The following ZNF704 variants were observed in gnomAD, a reference collection of about 807,000 sequenced individuals.
The protein encoded by ZNF704 is glucocorticoid induced gene 1.
In ZNF704, 10 loss-of-function variants were observed where a neutral mutation model predicts 44.7. The observed-to-expected ratio is 0.22, with a 90% CI of 0.14 to 0.38. The LOEUF (loss-of-function observed/expected upper bound fraction) is 0.38. ZNF704 is among the 10% of genes least tolerant of loss of function. The pLI, the probability that ZNF704 is intolerant of heterozygous loss-of-function variation, is 1.00. For missense variants in ZNF704, 390 were observed against 545.5 expected (o/e 0.71, Z 2.84); for synonymous variants, 211 against 207.6 (o/e 1.02, Z -0.14).
chr8:80,744,656 C>G (rs1423851224), intron 2 of ZNF704, among the ~76,000 whole-genome samples: 1 of 152,164 alleles, frequency 6.6e-6, no homozygotes, highest in Non-Finnish European at 1.5e-5. Flanking sequence ...TCAACTGGCA[C>G]AAATACGCTT....
chr8:80,742,635 T>C (rs1040670685), intron 2 of ZNF704, among the ~76,000 whole-genome samples: 3 of 152,152 alleles, frequency 2.0e-5, no homozygotes, highest in East Asian at 1.9e-4. Context: ...GGTGTAAAAC[T>C]ACAAATCGTT....
At chr8:80,866,726 G>C (rs1478526392) in intron 1 of ZNF704, among the ~76,000 whole-genome samples, 1 of 152,068 alleles carries the variant, frequency 6.6e-6, no homozygotes, top group Non-Finnish European at 1.5e-5. Context: ...GGGGTTGGGG[G>C]GGGGATACAT....
At chr8:80,724,401 C>T (rs1310849848) in intron 2 of ZNF704, among the ~76,000 whole-genome samples, 1 of 152,210 alleles carries the variant, frequency 6.6e-6, no homozygotes, top group Non-Finnish European at 1.5e-5. Flanking sequence ...TGGGTTTAAG[C>T]TCATCCAACC....
At chr8:80,814,885 T>A (rs1808150636) in intron 2 of ZNF704, among the ~76,000 whole-genome samples, 2 of 152,180 alleles carry the variant, frequency 1.3e-5, no homozygotes. Context: ...ACCATTTTTG[T>A]CTTATCTCAC....
chr8:80,718,998 T>G (rs1176307213), intron 2 of ZNF704, among the ~76,000 whole-genome samples: 1 of 152,058 alleles, frequency 6.6e-6, no homozygotes, highest in East Asian at 1.9e-4. Context: ...AGGGTCTCAC[T>G]CTGTTGTCCA....
chr8:80,794,528 G>C (rs962321533), intron 2 of ZNF704, among the ~76,000 whole-genome samples: 1 of 152,002 alleles, frequency 6.6e-6, no homozygotes, highest in East Asian at 1.9e-4. Context: ...AGCTCTTTTG[G>C]GCAGCAAGAT....
At chr8:80,646,208 G>GA (rs1259041767) in intron 7 of ZNF704, among the ~76,000 whole-genome samples, 1 of 152,174 alleles carries the variant, frequency 6.6e-6, no homozygotes, top group Non-Finnish European at 1.5e-5. Flanking sequence ...GGCCAGGAGT[G>GA]GTAGCTTATG....
chr8:80,815,544 A>G (rs1808163569), intron 2 of ZNF704, among the ~76,000 whole-genome samples: 3 of 152,216 alleles, frequency 2.0e-5, no homozygotes. Context: ...AGGCTGGACA[A>G]TAAGTAATAA....
the ZNF704 span, among the ~76,000 whole-genome samples, chr8:80,881,653 C>T: frequency 3.3e-5 from 5 of 152,238 alleles, no homozygotes; most frequent in Admixed American, 6.5e-5. Flanking sequence ...ATAGGCAGGG[C>T]GCAGTGGCTC....
intron 5 of ZNF704, among the ~76,000 whole-genome samples, chr8:80,669,565 C>A (rs530320717): frequency 5.8e-4 from 88 of 152,336 alleles, no homozygotes; most frequent in African/African-American, 2.1e-3. Flanking sequence ...GCTATTTTCA[C>A]CTTCTGCCTA....
chr8:80,864,109 A>C (rs1192806099), intron 1 of ZNF704, among the ~76,000 whole-genome samples: 1 of 152,186 alleles, frequency 6.6e-6, no homozygotes, highest in Non-Finnish European at 1.5e-5. Context: ...TTACCACAGG[A>C]AATACTTCCT....
At chr8:80,661,210 T>C (rs933152747) in intron 6 of ZNF704, among the ~76,000 whole-genome samples, 13 of 152,104 alleles carry the variant, frequency 8.5e-5, no homozygotes, top group Admixed American at 7.9e-4. Flanking sequence ...ACGTCACTAA[T>C]ATCAGAAAAA....
At chr8:80,830,710 A>T (rs560060361) in intron 1 of ZNF704, among the ~76,000 whole-genome samples, 1 of 150,152 alleles carries the variant, frequency 6.7e-6, no homozygotes, top group East Asian at 2.0e-4. Flanking sequence ...CTAAGGAAGG[A>T]GGGAAACCAG....
chr8:80,713,153 T>C (rs1250484566), intron 2 of ZNF704, among the ~76,000 whole-genome samples: 1 of 152,176 alleles, frequency 6.6e-6, no homozygotes, highest in East Asian at 1.9e-4. Context: ...CGCCTCGGCA[T>C]CATTTAAAAA....
intron 2 of ZNF704, among the ~76,000 whole-genome samples, chr8:80,745,779 G>T (rs1365411932): frequency 6.6e-6 from 1 of 152,032 alleles, no homozygotes; most frequent in Non-Finnish European, 1.5e-5. Context: ...CCACATATCA[G>T]ATTACAGCTG....
rs112565388 is a variant in ZNF704, at chr8:80,748,694, T to C, written c.222-55587A>G. ...GGTGGGACGAACCCAAGGAAAAGAATAGGAAAAAGTTCTAGAAACAGAAAG... is the reference window on the plus strand; with the variant it reads ...GGTGGGACGAACCCAAGGAAAAGAACAGGAAAAAGTTCTAGAAACAGAAAG... On this transcript the variant is annotated intron_variant, in intron 2 of 8. Coordinates refer to ENST00000327835, the MANE Select transcript of ZNF704 (RefSeq NM_001033723.3). Among the ~76,000 whole-genome samples the C allele has an allele frequency of 2.0e-3, 305 of 152,230 alleles. 1 individual carries two copies. Among genetic ancestry groups the C allele is most frequent in the African/African-American group, 7.1e-3 (294 of 41,534 alleles).
intron 2 of ZNF704, chr8:80,749,491 G>A (rs533953625): frequency 1.3e-5 from 2 of 153,198 alleles, no homozygotes; most frequent in African/African-American, 2.4e-5. Flanking sequence ...GATCTACTAC[G>A]GAGGTTTAGA....
chr8:80,809,019 C>T (rs1269521025), intron 2 of ZNF704, among the ~76,000 whole-genome samples: 4 of 152,122 alleles, frequency 2.6e-5, no homozygotes, highest in South Asian at 2.1e-4. Flanking sequence ...CAGCTGGGTG[C>T]GGTGCCTGAC....
intron 1 of ZNF704, among the ~76,000 whole-genome samples, chr8:80,869,021 T>C (rs1809204322): frequency 6.6e-6 from 1 of 152,252 alleles, no homozygotes; most frequent in African/African-American, 2.4e-5. Context: ...TGTGCAGGGT[T>C]CAAACCCCTG....
Sources: allele counts gnomAD v4.1 joint callset (sites outside exome capture counted in the v4.1 genomes callset), GRCh38; gene constraint gnomAD v4.1.1; transcripts MANE v1.5; gene names NCBI Gene and HGNC (gene_info 2026-07-23, HGNC 2026-07-21).